AGBL3: variants seen among roughly 807,000 people sequenced by gnomAD.
AGBL3 encodes the protein AGBL carboxypeptidase 3.
Under a neutral mutation model 94.5 loss-of-function variants are expected in AGBL3, and 68 were observed. That is an observed-to-expected ratio of 0.72 (90% confidence interval 0.59 to 0.88). AGBL3 has a LOEUF of 0.88. Among genes scored for constraint, AGBL3 ranks in the 40% least tolerant of loss-of-function variants. The probability of loss-of-function intolerance (pLI) is 0.00; values close to 1 mark genes in which losing one functional copy is unlikely to be tolerated. For synonymous variants in AGBL3, 354 were observed against 370.7 expected, an observed-to-expected ratio of 0.95 and a Z score of 0.52; for missense variants, 934 against 1,103.8, an observed-to-expected ratio of 0.85 and a Z score of 2.18.
intron 15 of AGBL3, among the ~76,000 whole-genome samples, chr7:135,095,324 TAATAA>T (rs1822503029): frequency 6.6e-6 from 1 of 152,154 alleles, no homozygotes; most frequent in Non-Finnish European, 1.5e-5. Context: ...GACTCCAGTA[TAATAA>T]CAGTGGTTTA....
intron 5 of AGBL3, among the ~76,000 whole-genome samples, chr7:135,030,661 AT>A (rs914137048): frequency 6.6e-5 from 10 of 151,830 alleles, no homozygotes; most frequent in Admixed American, 5.3e-4. Context: ...TTCTTCACAT[AT>A]TTTTTTCCAT....
At chr7:135,059,816 T>A (rs1178176032) in intron 12 of AGBL3, among the ~76,000 whole-genome samples, 1 of 152,192 alleles carries the variant, frequency 6.6e-6, no homozygotes, top group Admixed American at 6.5e-5. Context: ...AATACTTAAG[T>A]AAGAACTCAA....
chr7:135,107,650 T>C (rs1824947411), intron 15 of AGBL3, among the ~76,000 whole-genome samples: 1 of 152,226 alleles, frequency 6.6e-6, no homozygotes, highest in Non-Finnish European at 1.5e-5. Context: ...TAGTCAATTT[T>C]AGAGTATGTA....
At chr7:135,104,059 C>T (rs1824268368) in intron 15 of AGBL3, among the ~76,000 whole-genome samples, 1 of 152,016 alleles carries the variant, frequency 6.6e-6, no homozygotes, top group African/African-American at 2.4e-5. Flanking sequence ...TGATCCTCTC[C>T]CTCCTCCCAC....
chr7:135,104,033 C>G (rs906108563), intron 15 of AGBL3, among the ~76,000 whole-genome samples: 5 of 152,016 alleles, frequency 3.3e-5, no homozygotes, highest in African/African-American at 1.2e-4. Flanking sequence ...CCCCAGTACC[C>G]AATAGATACT....
At position 135,121,219 on chromosome 7, in the gene AGBL3, AAAC is replaced by A. The variant is rs1234569324; in HGVS notation, c.2342+5613_2342+5615del. On this transcript the variant is annotated intron_variant, in intron 16 of 16. Transcript: ENST00000436302. Reference sequence around the variant, plus strand: ...AAACTCCGTCTCAAAAAACAAAACAAAACAACACAGAACTGCAAAATATGTGAA... The same window carrying A: ...AAACTCCGTCTCAAAAAACAAAACAAAACACAGAACTGCAAAATATGTGAA... 1.3e-5 allele frequency among the ~76,000 whole-genome samples: 2 copies of A among 152,230 alleles called. 1 individual carries two copies. The highest frequency in any genetic ancestry group is 4.1e-4 in the South Asian group (2 of 4,836).
chr7:135,006,092 T>G (rs1812348897), intron 4 of AGBL3, among the ~76,000 whole-genome samples: 2 of 151,738 alleles, frequency 1.3e-5, no homozygotes, highest in Non-Finnish European at 3.0e-5. Context: ...TAAATTGGAC[T>G]TCAGAATTAA....
At chr7:135,004,426 A>G (rs1375760447) in intron 4 of AGBL3, among the ~76,000 whole-genome samples, 1 of 151,716 alleles carries the variant, frequency 6.6e-6, no homozygotes, top group East Asian at 1.9e-4. Context: ...GTTTTGGTAT[A>G]AACGTTATTT....
chr7:135,017,091 C>T lies in AGBL3; in HGVS notation c.350C>T (p.Thr117Met), dbSNP rs1223021627. ...TGTCCTGAGCCAGTGTATATCCCAA[C>T]GGGCTTAGAAACGGAACCCCTTTAT... is the stretch of plus-strand genomic sequence containing the variant. ...PSCPEPVYIPTGLETEPLYPD... is the reference protein window; with the variant it reads ...PSCPEPVYIPMGLETEPLYPD... Residue 117 changes from threonine (T) to methionine (M), a missense_variant, in exon 5 of 17, where the codon ACG becomes ATG. By Grantham distance (81) the Thr-to-Met change is moderately conservative. This residue lies in a region of AGBL3 where 488 missense variants were observed against 563.6 expected (regional missense o/e 0.87). Transcript: ENST00000436302. 2.3e-5 allele frequency: 35 copies of T among 1,550,810 alleles called. No individual in the cohort carries two copies. Among genetic ancestry groups the T allele is most frequent in the Non-Finnish European group, 3.1e-5 (35 of 1,146,058 alleles).
At chr7:134,990,018 T>A (rs959931382) in intron 3 of AGBL3, among the ~76,000 whole-genome samples, 1 of 152,202 alleles carries the variant, frequency 6.6e-6, no homozygotes, top group Non-Finnish European at 1.5e-5. Flanking sequence ...GTTTTTTAAA[T>A]TTTGCCAAGC....
intron 16 of AGBL3, chr7:135,128,665 C>T (rs75948004): frequency 0.037 from 40,491 of 1,087,838 alleles, 962 homozygotes; most frequent in Non-Finnish European, 0.047. Flanking sequence ...AAGGAAGAGA[C>T]CCTAGTATAC....
intron 16 of AGBL3, among the ~76,000 whole-genome samples, chr7:135,125,679 C>CA (rs1827777733): frequency 6.6e-6 from 1 of 152,278 alleles, no homozygotes; most frequent in East Asian, 1.9e-4. Flanking sequence ...AGCAGCATAT[C>CA]AAAAAACGTA....
At chr7:134,988,959 A>T (rs2732904) in intron 2 of AGBL3, among the ~76,000 whole-genome samples, 10,384 of 152,198 alleles carry the variant, frequency 0.068, 1,137 homozygotes, top group African/African-American at 0.23. Context: ...TAATTTAAAT[A>T]GTTTTCCCGG....
chr7:135,007,353 T>G (rs964199706), intron 4 of AGBL3, among the ~76,000 whole-genome samples: 1 of 151,966 alleles, frequency 6.6e-6, no homozygotes, highest in African/African-American at 2.4e-5. Context: ...ACAAGTGGAA[T>G]CTATCCAGAT....
chr7:135,023,592 CAGCTGA>C (rs1814751268), intron 5 of AGBL3, among the ~76,000 whole-genome samples: 1 of 152,132 alleles, frequency 6.6e-6, no homozygotes, highest in African/African-American at 2.4e-5. Context: ...GCACATGGGG[CAGCTGA>C]AGCAGAACAC....
chr7:135,078,461 G>A (rs546727712), intron 13 of AGBL3, among the ~76,000 whole-genome samples: 2 of 151,748 alleles, frequency 1.3e-5, no homozygotes, highest in South Asian at 4.2e-4. Context: ...CCTGTGTTAA[G>A]TCATTTGCAG....
chr7:135,009,033 A>T (rs1812766210), intron 4 of AGBL3, among the ~76,000 whole-genome samples: 1 of 152,210 alleles, frequency 6.6e-6, no homozygotes, highest in Non-Finnish European at 1.5e-5. Flanking sequence ...TGCTGTTGGG[A>T]ATGTAAAATT....
Position 135,044,123 on chromosome 7 carries a change from G to A in AGBL3, c.1599G>A (p.Met533Ile). ...WKMGIRNSFT[M>I]EATFCGSTLG... ...TGGGAATCAGGAACAGCTTTACCAT[G>A]GAGGCCACCTTCTGTGGATCTACTC... The change falls in exon 9 of 17, where the codon ATG becomes ATA. Residue 533 changes from methionine to isoleucine, a missense_variant. By Grantham distance (10) the Met-to-Ile change is conservative (BLOSUM62 1). This residue lies in a region of AGBL3 where 441 missense variants were observed against 518.2 expected (regional missense o/e 0.85). Coordinates refer to ENST00000436302, the MANE Select transcript of AGBL3 (RefSeq NM_178563.4). 6.4e-7 allele frequency: 1 copy of A among 1,550,494 alleles called. No homozygotes were observed. Among genetic ancestry groups the A allele is most frequent in the Non-Finnish European group, 8.7e-7 (1 of 1,146,108 alleles).
intron 4 of AGBL3, among the ~76,000 whole-genome samples, chr7:134,997,992 TACTC>T (rs771435814): frequency 4.0e-4 from 61 of 152,360 alleles, no homozygotes; most frequent in Non-Finnish European, 6.2e-4. Flanking sequence ...ATCCAGTTCT[TACTC>T]AGCCCATTTT....
Sources: gnomAD v4.1 joint callset for allele counts (sites outside exome capture counted in the v4.1 genomes callset) on GRCh38, gnomAD v4.1.1 for gene constraint, gnomAD v4.1.1 regional missense constraint, MANE v1.5 for transcripts, NCBI Gene and HGNC (gene_info 2026-07-23, HGNC 2026-07-21) for gene names.